The following SYNPR variants were observed in gnomAD, a reference collection of about 807,000 sequenced individuals.
SYNPR encodes synaptoporin.
Under a neutral mutation model 32.9 loss-of-function variants are expected in SYNPR, and 23 were observed. The observed-to-expected ratio is 0.70, with a 90% CI of 0.50 to 0.99. SYNPR has a LOEUF of 0.99. Among genes scored for constraint, SYNPR ranks in the 50% least tolerant of loss-of-function variants. The pLI, the probability that SYNPR is intolerant of heterozygous loss-of-function variation, is 0.00. For synonymous variants in SYNPR, 146 were observed against 135.9 expected (o/e 1.07, Z -0.52); for missense variants, 318 against 349.3 (o/e 0.91, Z 0.71).
At chr3:63,432,358 G>A (rs1412365047) in intron 2 of SYNPR, among the ~76,000 whole-genome samples, 1 of 152,064 alleles carries the variant, frequency 6.6e-6, no homozygotes, top group Admixed American at 6.6e-5. Flanking sequence ...TGGTACACAG[G>A]GCAGCAGTGT....
At chr3:63,507,462 A>C (rs1020128085) in intron 3 of SYNPR, among the ~76,000 whole-genome samples, 1 of 152,198 alleles carries the variant, frequency 6.6e-6, no homozygotes, top group South Asian at 2.1e-4. Context: ...CCGAGAAGTA[A>C]CGTGTAAGTA....
intron 3 of SYNPR, among the ~76,000 whole-genome samples, chr3:63,506,559 G>A (rs1367277891): frequency 6.6e-6 from 1 of 152,078 alleles, no homozygotes; most frequent in Non-Finnish European, 1.5e-5. Flanking sequence ...TATGATGTAC[G>A]TTGAAATTGT....
intron 3 of SYNPR, among the ~76,000 whole-genome samples, chr3:63,506,635 C>T (rs564037905): frequency 2.0e-5 from 3 of 152,132 alleles, no homozygotes; most frequent in Non-Finnish European, 4.4e-5. Context: ...ATTTCCCAAA[C>T]TCATTTGATC....
At chr3:63,596,957 A>T (rs967157438) in intron 4 of SYNPR, among the ~76,000 whole-genome samples, 1 of 152,206 alleles carries the variant, frequency 6.6e-6, no homozygotes, top group Non-Finnish European at 1.5e-5. Context: ...TGTAAAATAC[A>T]CATCACGTTT....
chr3:63,449,476 C>A (rs1369000328), intron 2 of SYNPR, among the ~76,000 whole-genome samples: 32 of 152,048 alleles, frequency 2.1e-4, no homozygotes. Flanking sequence ...AAGCAGCATC[C>A]CTGCCTTCTA....
chr3:63,241,365 G>T (rs888683885), intron 1 of SYNPR, among the ~76,000 whole-genome samples: 5 of 152,238 alleles, frequency 3.3e-5, no homozygotes, highest in African/African-American at 1.2e-4. Flanking sequence ...TTGTTCAGTT[G>T]TTGGGCAGCC....
intron 2 of SYNPR, among the ~76,000 whole-genome samples, chr3:63,457,324 T>C (rs1404972897): frequency 6.6e-6 from 1 of 152,178 alleles, no homozygotes; most frequent in African/African-American, 2.4e-5. Context: ...TGCCATTCTA[T>C]TGAATTTAGA....
Position 63,522,758 on chromosome 3 carries a change from A to G in SYNPR, c.210-33785A>G, listed in dbSNP as rs571020967. 3.3e-5 allele frequency among the ~76,000 whole-genome samples: 5 copies of G among 152,290 alleles called. No individual in the cohort carries two copies. The South Asian group carries it at 1.0e-3, about 32-fold the overall frequency. ...CCAAGCATCCCCAGCACAAAACAGC[A>G]GAGGGAGCATAGCGGATGAAACATG... is the stretch of plus-strand genomic sequence containing the variant. On this transcript the variant is annotated intron_variant, in intron 3 of 5. Transcript: ENST00000478300.
At chr3:63,390,738 G>A (rs766103248) in intron 2 of SYNPR, among the ~76,000 whole-genome samples, 3 of 152,042 alleles carry the variant, frequency 2.0e-5, no homozygotes, top group Non-Finnish European at 4.4e-5. Context: ...CCCTCCTCGG[G>A]GCCTTCCCCC....
At chr3:63,466,901 C>G (rs1700692918) in intron 2 of SYNPR, among the ~76,000 whole-genome samples, 1 of 152,176 alleles carries the variant, frequency 6.6e-6, no homozygotes, top group African/African-American at 2.4e-5. Context: ...CTTTGACATG[C>G]AAATTTGGGA....
chr3:63,352,967 A>G (rs1445592942), intron 2 of SYNPR, among the ~76,000 whole-genome samples: 2 of 152,222 alleles, frequency 1.3e-5, no homozygotes, highest in African/African-American at 2.4e-5. Flanking sequence ...ATAATTCAAC[A>G]TGAGATTTGA....
chr3:63,534,054 T>C (rs1702158342), intron 3 of SYNPR, among the ~76,000 whole-genome samples: 1 of 152,194 alleles, frequency 6.6e-6, no homozygotes, highest in Admixed American at 6.5e-5. Flanking sequence ...AAACTTGTAT[T>C]TAAATAGATC....
intron 4 of SYNPR, among the ~76,000 whole-genome samples, chr3:63,563,540 T>C (rs1272824294): frequency 6.6e-6 from 1 of 152,074 alleles, no homozygotes; most frequent in East Asian, 1.9e-4. Context: ...TCTCTCCCTC[T>C]CCCCAATTCC....
At chr3:63,284,132 T>C (rs9311865) in intron 2 of SYNPR, among the ~76,000 whole-genome samples, 1 of 152,112 alleles carries the variant, frequency 6.6e-6, no homozygotes. Context: ...ATTTTGCTAC[T>C]TTAGTATTTT....
intron 2 of SYNPR, among the ~76,000 whole-genome samples, chr3:63,329,404 G>A (rs537687673): frequency 1.8e-4 from 27 of 152,122 alleles, no homozygotes; most frequent in African/African-American, 4.6e-4. Context: ...ATTTGAACCC[G>A]GAATCTAAAT....
At chr3:63,253,956 G>A (rs2106891981) in intron 2 of SYNPR, among the ~76,000 whole-genome samples, 1 of 152,244 alleles carries the variant, frequency 6.6e-6, no homozygotes, top group East Asian at 1.9e-4. Context: ...AGAAAATGTG[G>A]CACATATACA....
chr3:63,329,452 C>T (rs908368587), intron 2 of SYNPR, among the ~76,000 whole-genome samples: 1 of 152,084 alleles, frequency 6.6e-6, no homozygotes, highest in Non-Finnish European at 1.5e-5. Context: ...AACCCTCACC[C>T]AAGACATCAC....
Position 63,366,222 on chromosome 3 carries a change from C to T in SYNPR, c.84+87480C>T, listed in dbSNP as rs538389455. ...AAGTAGAATCTAAATCTTTACAAGA[C>T]ATTCTTGGAACAAAACCGAGGGGTT... On this transcript the variant is annotated intron_variant, in intron 2 of 5. Transcript: ENST00000478300. 8.5e-5 allele frequency among the ~76,000 whole-genome samples: 13 copies of T among 152,236 alleles called. No individual in the cohort carries two copies. The South Asian group carries it at 2.5e-3, about 29-fold the overall frequency.
intron 1 of SYNPR, among the ~76,000 whole-genome samples, chr3:63,230,372 G>A (rs2086157605): frequency 6.6e-6 from 1 of 152,082 alleles, no homozygotes; most frequent in East Asian, 1.9e-4. Context: ...ATCAGGTCTG[G>A]CTTGAATTTT....
Sources: allele counts gnomAD v4.1 joint callset (sites outside exome capture counted in the v4.1 genomes callset), GRCh38; gene constraint gnomAD v4.1.1; transcripts MANE v1.5; gene names NCBI Gene and HGNC (gene_info 2026-07-23, HGNC 2026-07-21).